DNAH3: variants seen among roughly 807,000 people sequenced by gnomAD.
DNAH3 encodes dynein axonemal heavy chain 3, also known as axonemal beta dynein heavy chain 3.
In DNAH3, 332 loss-of-function variants were observed where a neutral mutation model predicts 432.5. That is an observed-to-expected ratio of 0.77 (90% CI 0.70 to 0.84). The LOEUF is 0.84. Among genes scored for constraint, DNAH3 ranks in the 40% least tolerant of loss-of-function variants. DNAH3 has a pLI of 0.00. For synonymous variants in DNAH3, 1,956 were observed against 1,900.2 expected, an observed-to-expected ratio of 1.03 and a Z score of -0.76; for missense variants, 4,861 against 5,114.0, an observed-to-expected ratio of 0.95 and a Z score of 1.51.
At chr16:20,962,060 C>T (rs565304476) in intron 53 of DNAH3, among the ~76,000 whole-genome samples, 2 of 151,700 alleles carry the variant, frequency 1.3e-5, no homozygotes, top group South Asian at 2.1e-4. Flanking sequence ...ACTCAGGAGG[C>T]TGAGGCATGA....
At chr16:21,081,392 A>AC (rs1196539178) in intron 20 of DNAH3, among the ~76,000 whole-genome samples, 2 of 151,652 alleles carry the variant, frequency 1.3e-5, no homozygotes, top group African/African-American at 2.4e-5. Context: ...AAAAAAAAAA[A>AC]AAACCCTTTG....
At chr16:20,954,546 T>A (rs1358215175) in intron 55 of DNAH3, among the ~76,000 whole-genome samples, 1 of 152,004 alleles carries the variant, frequency 6.6e-6, no homozygotes, top group Non-Finnish European at 1.5e-5. Flanking sequence ...TCCCTTGGCC[T>A]CCCTAAGTGC....
At chr16:21,115,529 A>C (rs941228147) in intron 12 of DNAH3, among the ~76,000 whole-genome samples, 4 of 151,870 alleles carry the variant, frequency 2.6e-5, no homozygotes, top group Non-Finnish European at 5.9e-5. Context: ...CAACATGGTG[A>C]AACCTTGTGT....
chr16:21,153,572 C>T (rs909608749), intron 1 of DNAH3, among the ~76,000 whole-genome samples: 2 of 152,196 alleles, frequency 1.3e-5, no homozygotes, highest in Non-Finnish European at 2.9e-5. Context: ...TCCCCTTCTA[C>T]AACGTGGAAG....
chr16:20,987,560 T>C (rs2086259028), intron 46 of DNAH3, 112 bp from the exon 47 acceptor site: 4 of 1,539,248 alleles, frequency 2.6e-6, no homozygotes, highest in Non-Finnish European at 2.7e-6. Flanking sequence ...AGATAATGTT[T>C]ATAAAATGCT....
At chr16:20,974,974 A>G (rs1206047143) in intron 51 of DNAH3, among the ~76,000 whole-genome samples, 1 of 140,880 alleles carries the variant, frequency 7.1e-6, no homozygotes, top group Non-Finnish European at 1.5e-5. Flanking sequence ...GCACGCCACC[A>G]CACCTGGCTA....
Position 21,145,412 on chromosome 16 carries a change from AG to A in DNAH3, c.223-7del, listed in dbSNP as rs141743422. ...AAGCTGTGTGACATGACAGTCTACG[AG>A]GTAAGAAGTGCAGAGTGAGACACAA... is the stretch of plus-strand genomic sequence containing the variant. On this transcript the variant is annotated splice_polypyrimidine_tract_variant and splice_region_variant and intron_variant, in intron 2 of 61. Coordinates refer to ENST00000261383, the Ensembl canonical transcript of DNAH3. 3.3e-3 allele frequency: 5,355 copies of A among 1,612,410 alleles called. 161 individuals are homozygous for A. In the African/African-American group the frequency reaches 0.062, roughly 19 times the overall value.
At position 21,127,653 on chromosome 16, in the gene DNAH3, A is replaced by T. The variant is rs780692995; in HGVS notation, c.1208+34T>A. The stretch of plus-strand genomic sequence containing the variant: ...GAGGGTTTTCAGTCTTTAAGATACC[A>T]TGGTGCAGCCCCACTTGGAGGGCAG... On this transcript the variant is annotated intron_variant, in intron 8 of 61. Transcript: ENST00000261383. The T allele has an allele frequency of 7.4e-6, 12 of 1,611,558 alleles. No homozygotes were observed. In the East Asian group the frequency reaches 2.7e-4, roughly 36 times the overall value.
intron 1 of DNAH3, among the ~76,000 whole-genome samples, chr16:21,157,955 A>C (rs1217850624): frequency 6.6e-6 from 1 of 151,822 alleles, no homozygotes; most frequent in African/African-American, 2.4e-5. Context: ...TAATGGGTAG[A>C]GGCTAGGATA....
At chr16:20,934,048 T>A (rs2083502131) in intron 61 of DNAH3, among the ~76,000 whole-genome samples, 1 of 152,194 alleles carries the variant, frequency 6.6e-6, no homozygotes, top group South Asian at 2.1e-4. Flanking sequence ...ACACCACTGC[T>A]TAGATTCAGA....
At chr16:21,081,842 G>T in intron 19 of DNAH3, 115 bp from the exon 20 acceptor site, 1 of 721,370 alleles carries the variant, frequency 1.4e-6, no homozygotes, top group Non-Finnish European at 2.2e-6. Flanking sequence ...TAACAGCCAC[G>T]AGTGGCAGGT....
intron 24 of DNAH3, among the ~76,000 whole-genome samples, chr16:21,066,751 T>C (rs2090565316): frequency 6.6e-6 from 1 of 152,172 alleles, no homozygotes; most frequent in South Asian, 2.1e-4. Flanking sequence ...TGTATAAGCA[T>C]ACCTATCAGA....
chr16:21,051,586 A>G, intron 29 of DNAH3, 84 bp downstream of exon 29: 8 of 1,394,620 alleles, frequency 5.7e-6, no homozygotes, highest in Non-Finnish European at 8.0e-6. Flanking sequence ...AGGTAACCCA[A>G]GACATCCCTA....
At chr16:21,044,998 C>A (rs950907367) in intron 31 of DNAH3, among the ~76,000 whole-genome samples, 1 of 152,000 alleles carries the variant, frequency 6.6e-6, no homozygotes, top group Non-Finnish European at 1.5e-5. Context: ...GGATATTGAA[C>A]CAGCCTTGCA....
intron 9 of DNAH3, 60 bp from the exon 11 acceptor site, chr16:21,122,184 G>T: frequency 7.1e-7 from 1 of 1,415,752 alleles, no homozygotes. Flanking sequence ...AATCAAGGGA[G>T]TGAATTTTAT....
chr16:21,127,098 C>A (rs112259764), intron 8 of DNAH3, among the ~76,000 whole-genome samples: 3 of 152,022 alleles, frequency 2.0e-5, no homozygotes, highest in African/African-American at 7.3e-5. Flanking sequence ...CTGTCTTCCA[C>A]AAAACCAGTC....
intron 24 of DNAH3, chr16:21,063,022 A>G (rs2152754262): frequency 4.6e-6 from 1 of 215,958 alleles, no homozygotes; most frequent in Non-Finnish European, 9.2e-6. Context: ...ACCACACTTG[A>G]TCTTAGTCAA....
chr16:21,145,867 T>C, intron 2 of DNAH3, 117 bp downstream of exon 3: 1 of 702,968 alleles, frequency 1.4e-6, no homozygotes, highest in Non-Finnish European at 2.5e-6. Flanking sequence ...TAATCCTACT[T>C]GTCAGGTCTG....
At chr16:21,159,407 G>A in exon 1 of DNAH3, 5 of 1,614,078 alleles carry the variant, frequency 3.1e-6, no homozygotes, top group Non-Finnish European at 4.2e-6. Flanking sequence ...GGGAGGGGCG[G>A]CCAGTGTGAG....
Sources: gnomAD v4.1 joint callset for allele counts (sites outside exome capture counted in the v4.1 genomes callset) on GRCh38, gnomAD v4.1.1 for gene constraint, MANE v1.5 for transcripts, NCBI Gene and HGNC (gene_info 2026-07-23, HGNC 2026-07-21) for gene names.